SLC24A3: variants seen among roughly 807,000 people sequenced by gnomAD.
SLC24A3 encodes the protein solute carrier family 24 member 3.
A neutral mutation model predicts 75.8 loss-of-function variants in SLC24A3; 28 were observed. That is an observed-to-expected ratio of 0.37 (90% CI 0.27 to 0.51). The LOEUF is 0.51. Among genes scored for constraint, SLC24A3 ranks in the 20% least tolerant of loss-of-function variants. SLC24A3 has a pLI of 0.94. For synonymous variants in SLC24A3, 372 were observed against 334.1 expected, an observed-to-expected ratio of 1.11 and a Z score of -1.24; for missense variants, 663 against 847.8, an observed-to-expected ratio of 0.78 and a Z score of 2.71.
chr20:19,547,781 A>G (rs918350016), intron 3 of SLC24A3, among the ~76,000 whole-genome samples: 2 of 152,250 alleles, frequency 1.3e-5, no homozygotes, highest in Non-Finnish European at 2.9e-5. Flanking sequence ...TGCCAGAGCC[A>G]GGGCAAGAGA....
Position 19,217,097 on chromosome 20 carries a change from G to A in SLC24A3, c.142+4113G>A, listed in dbSNP as rs1317259639. ...TCCCTGAGAGCATGACATCTGGGTC[G>A]CAAGGGCGGATATCCCAAAAGGACA... is the stretch of plus-strand genomic sequence containing the variant. On this transcript the variant is annotated intron_variant, in intron 1 of 16. Coordinates refer to ENST00000328041, the MANE Select transcript of SLC24A3 (RefSeq NM_020689.4). 2.6e-5 allele frequency among the ~76,000 whole-genome samples: 4 copies of A among 152,224 alleles called. No individual in the cohort carries two copies. The South Asian group carries it at 6.2e-4, about 24-fold the overall frequency.
chr20:19,346,580 G>A (rs1202128061), intron 2 of SLC24A3, among the ~76,000 whole-genome samples: 2 of 151,878 alleles, frequency 1.3e-5, no homozygotes, highest in Admixed American at 6.6e-5. Flanking sequence ...TCAAAGTGAA[G>A]TAACTCAGGA....
chr20:19,303,588 A>G (rs1440159342), intron 2 of SLC24A3, among the ~76,000 whole-genome samples: 1 of 151,726 alleles, frequency 6.6e-6, no homozygotes, highest in Non-Finnish European at 1.5e-5. Flanking sequence ...TCACCATACT[A>G]CTTTCCACCA....
At chr20:19,290,282 T>G (rs11699148) in intron 2 of SLC24A3, among the ~76,000 whole-genome samples, 1,591 of 152,272 alleles carry the variant, frequency 0.01, 15 homozygotes, top group Middle Eastern at 0.024. Flanking sequence ...TCTCAGCCTC[T>G]GGGACTGGGA....
intron 6 of SLC24A3, among the ~76,000 whole-genome samples, chr20:19,622,953 C>T (rs907377739): frequency 1.3e-5 from 2 of 152,052 alleles, no homozygotes. Flanking sequence ...AGTCAGCTCT[C>T]GTGTGAACTA....
intron 2 of SLC24A3, among the ~76,000 whole-genome samples, chr20:19,486,543 T>A: frequency 6.6e-6 from 1 of 152,226 alleles, no homozygotes; most frequent in East Asian, 1.9e-4. Flanking sequence ...CAGCTCAGGT[T>A]TGGGGGCCAT....
intron 3 of SLC24A3, among the ~76,000 whole-genome samples, chr20:19,548,032 C>A (rs2030629523): frequency 6.6e-6 from 1 of 152,194 alleles, no homozygotes; most frequent in Admixed American, 6.5e-5. Flanking sequence ...ACATTATTTT[C>A]TCCTCTGAAT....
At chr20:19,476,301 G>A (rs1331123965) in intron 2 of SLC24A3, among the ~76,000 whole-genome samples, 1 of 152,212 alleles carries the variant, frequency 6.6e-6, no homozygotes, top group East Asian at 1.9e-4. Flanking sequence ...ATGAAAAACA[G>A]AAGTAAGGCC....
chr20:19,232,294 A>C (rs1437124959), intron 1 of SLC24A3, among the ~76,000 whole-genome samples: 2 of 152,146 alleles, frequency 1.3e-5, no homozygotes, highest in African/African-American at 4.8e-5. Flanking sequence ...TGTGATGATC[A>C]GCTCTCTTTA....
At chr20:19,552,552 G>T (rs1262500746) in intron 3 of SLC24A3, among the ~76,000 whole-genome samples, 1 of 152,188 alleles carries the variant, frequency 6.6e-6, no homozygotes. Context: ...TTGATTGACA[G>T]CATAAATCAT....
chr20:19,281,148 G>T (rs1431493103), intron 2 of SLC24A3, 61 bp downstream of exon 2: 2 of 1,594,032 alleles, frequency 1.3e-6, no homozygotes, highest in Non-Finnish European at 1.7e-6. Flanking sequence ...GGCTGAGGAA[G>T]AGCCAGCTGC....
chr20:19,614,433 C>G (rs1016496804), intron 6 of SLC24A3, among the ~76,000 whole-genome samples: 1 of 152,198 alleles, frequency 6.6e-6, no homozygotes, highest in Non-Finnish European at 1.5e-5. Context: ...GGGCTGGGCC[C>G]CAGCCCATCC....
chr20:19,290,024 G>A (rs1427584692), intron 2 of SLC24A3, among the ~76,000 whole-genome samples: 2 of 152,194 alleles, frequency 1.3e-5, no homozygotes, highest in Non-Finnish European at 1.5e-5. Context: ...CCTTTTAAGC[G>A]CTCTCAGATG....
intron 3 of SLC24A3, among the ~76,000 whole-genome samples, chr20:19,578,009 A>G (rs138401008): frequency 9.5e-4 from 145 of 152,334 alleles, no homozygotes; most frequent in African/African-American, 3.4e-3. Context: ...GAGACCAAAC[A>G]TATATGTGAA....
At chr20:19,689,868 TAA>T (rs2032725247) in intron 12 of SLC24A3, among the ~76,000 whole-genome samples, 1 of 151,832 alleles carries the variant, frequency 6.6e-6, no homozygotes, top group Admixed American at 6.6e-5. Flanking sequence ...CCATCTCTAC[TAA>T]AAATACAAAA....
At chr20:19,592,793 C>CTTTTTTTTTTTT (rs11471623) in intron 6 of SLC24A3, among the ~76,000 whole-genome samples, 1 of 119,688 alleles carries the variant, frequency 8.4e-6, no homozygotes, top group African/African-American at 3.0e-5. Flanking sequence ...TTCTTTCTTT[C>CTTTTTTTTTTTT]TTTCTTTTTT....
At chr20:19,289,138 G>C (rs1983880979) in intron 2 of SLC24A3, among the ~76,000 whole-genome samples, 1 of 151,974 alleles carries the variant, frequency 6.6e-6, no homozygotes, top group Non-Finnish European at 1.5e-5. Context: ...TATTTTTAAT[G>C]TCACCCCTGG....
At chr20:19,604,614 T>C (rs145518629) in intron 6 of SLC24A3, among the ~76,000 whole-genome samples, 65 of 152,298 alleles carry the variant, frequency 4.3e-4, no homozygotes, top group African/African-American at 1.4e-3. Flanking sequence ...ACCCCCAGTG[T>C]TAACCTAGAT....
intron 2 of SLC24A3, among the ~76,000 whole-genome samples, chr20:19,401,989 C>G (rs957218040): frequency 6.6e-6 from 1 of 152,190 alleles, no homozygotes; most frequent in African/African-American, 2.4e-5. Flanking sequence ...CTCACATCCC[C>G]AAAATCATTG....
Sources: gnomAD v4.1 joint callset for allele counts (sites outside exome capture counted in the v4.1 genomes callset) on GRCh38, gnomAD v4.1.1 for gene constraint, MANE v1.5 for transcripts, NCBI Gene and HGNC (gene_info 2026-07-23, HGNC 2026-07-21) for gene names.